SNTB1: variants seen among roughly 807,000 people sequenced by gnomAD.
SNTB1 encodes the protein beta-1-syntrophin.
A neutral mutation model predicts 48.9 loss-of-function variants in SNTB1; 36 were observed. The ratio of observed to expected loss-of-function variants is 0.74; its 90% CI spans 0.56 to 0.97. The LOEUF (loss-of-function observed/expected upper bound fraction) is 0.97, where lower values mean the gene tolerates loss of function less well. Among genes scored for constraint, SNTB1 ranks in the 50% least tolerant of loss-of-function variants. The pLI is 0.00. For synonymous variants in SNTB1, 299 were observed against 294.6 expected (o/e 1.01, Z -0.15); for missense variants, 786 against 703.4 (o/e 1.12, Z -1.33).
At chr8:120,666,231 A>G (rs570198549) in intron 2 of SNTB1, among the ~76,000 whole-genome samples, 183 of 152,338 alleles carry the variant, frequency 1.2e-3, no homozygotes, top group African/African-American at 4.2e-3. Context: ...CTCTGCCTGA[A>G]GTCTTCCTGT....
At chr8:120,636,386 TC>T (rs1438085335) in intron 2 of SNTB1, among the ~76,000 whole-genome samples, 2 of 94,442 alleles carry the variant, frequency 2.1e-5, no homozygotes, top group Non-Finnish European at 4.1e-5. Flanking sequence ...ATGCTATCCC[TC>T]CCCCCTCCCC....
intron 3 of SNTB1, among the ~76,000 whole-genome samples, chr8:120,585,601 G>T (rs1816126511): frequency 6.6e-6 from 1 of 152,178 alleles, no homozygotes; most frequent in Non-Finnish European, 1.5e-5. Flanking sequence ...GGGCAAAATT[G>T]GTCCCTTATG....
chr8:120,804,417 T>C (rs558074845), intron 1 of SNTB1, among the ~76,000 whole-genome samples: 23 of 152,138 alleles, frequency 1.5e-4, no homozygotes, highest in Non-Finnish European at 2.6e-4. Flanking sequence ...CCTCCTCAAT[T>C]ACTTGAAGCT....
At chr8:120,667,640 G>GAAC (rs1481923389) in intron 2 of SNTB1, among the ~76,000 whole-genome samples, 1 of 152,176 alleles carries the variant, frequency 6.6e-6, no homozygotes, top group East Asian at 1.9e-4. Flanking sequence ...TTACAGGAGT[G>GAAC]AACAACTGCG....
intron 3 of SNTB1, among the ~76,000 whole-genome samples, chr8:120,614,505 T>C (rs1319802705): frequency 6.6e-6 from 1 of 152,242 alleles, no homozygotes; most frequent in Non-Finnish European, 1.5e-5. Flanking sequence ...CATGCCCTTC[T>C]ATGCCTTAGC....
intron 5 of SNTB1, among the ~76,000 whole-genome samples, chr8:120,544,790 C>CTTTGTTTTT (rs773914231): frequency 8.8e-6 from 1 of 114,170 alleles, no homozygotes; most frequent in African/African-American, 3.4e-5. Context: ...AAATTCAAAA[C>CTTTGTTTTT]TTTTTTTTTT....
At chr8:120,630,622 A>G (rs1326273718) in intron 3 of SNTB1, among the ~76,000 whole-genome samples, 3 of 152,134 alleles carry the variant, frequency 2.0e-5, no homozygotes, top group Admixed American at 6.5e-5. Context: ...TTTCATCCCA[A>G]TCAGCTCCTT....
intron 3 of SNTB1, among the ~76,000 whole-genome samples, chr8:120,596,126 C>G (rs1325214872): frequency 6.6e-6 from 1 of 152,140 alleles, no homozygotes; most frequent in Non-Finnish European, 1.5e-5. Flanking sequence ...GGGGATAAAG[C>G]AGAGGGATGT....
intron 1 of SNTB1, among the ~76,000 whole-genome samples, chr8:120,753,087 G>A (rs999849240): frequency 1.7e-4 from 26 of 151,926 alleles, no homozygotes; most frequent in Non-Finnish European, 5.9e-5. Flanking sequence ...TGATGGCACA[G>A]GGTGTTTCAG....
intron 1 of SNTB1, among the ~76,000 whole-genome samples, chr8:120,738,589 T>TTCC (rs1554583312): frequency 2.1e-5 from 2 of 96,102 alleles, no homozygotes; most frequent in African/African-American, 6.6e-5. Flanking sequence ...TCCTTCCTTC[T>TTCC]TAGTGTAACA....
At chr8:120,708,622 T>G (rs1191242059) in intron 1 of SNTB1, among the ~76,000 whole-genome samples, 1 of 152,082 alleles carries the variant, frequency 6.6e-6, no homozygotes. Flanking sequence ...CATGACCAAG[T>G]TTGGACTGGT....
chr8:120,706,592 C>T (rs1198626965), intron 1 of SNTB1, among the ~76,000 whole-genome samples: 1 of 152,174 alleles, frequency 6.6e-6, no homozygotes, highest in Non-Finnish European at 1.5e-5. Context: ...AACAGCTATA[C>T]TCTAACATCT....
chr8:120,614,378 G>C (rs1198415279), intron 3 of SNTB1, among the ~76,000 whole-genome samples: 2 of 152,220 alleles, frequency 1.3e-5, no homozygotes, highest in Non-Finnish European at 2.9e-5. Flanking sequence ...AGGCACTTCA[G>C]GTGCAGGAAC....
chr8:120,547,471 C>A (rs1435417365), intron 5 of SNTB1, among the ~76,000 whole-genome samples: 3 of 151,752 alleles, frequency 2.0e-5, no homozygotes, highest in Non-Finnish European at 2.9e-5. Flanking sequence ...GTGGCATGTG[C>A]CTGTAATTCC....
chr8:120,629,697 G>C (rs113490442), intron 3 of SNTB1, among the ~76,000 whole-genome samples: 4 of 152,142 alleles, frequency 2.6e-5, no homozygotes, highest in African/African-American at 9.7e-5. Flanking sequence ...CCTTAAACTT[G>C]ATCTATGGTA....
At chr8:120,780,475 T>C (rs900385637) in intron 1 of SNTB1, among the ~76,000 whole-genome samples, 5 of 152,330 alleles carry the variant, frequency 3.3e-5, no homozygotes, top group Admixed American at 1.3e-4. Context: ...ATGGTCAACA[T>C]GTAAACTTTT....
Position 120,599,661 on chromosome 8 carries a change from T to C in SNTB1, c.997-24436A>G, listed in dbSNP as rs1297212518. Among the ~76,000 whole-genome samples the C allele has an allele frequency of 2.6e-5, 4 of 152,364 alleles. No homozygotes were observed. In the East Asian group the frequency reaches 5.8e-4, roughly 22 times the overall value. Reference sequence around the variant, plus strand: ...GATTAGCCAATTGAACCCTGAAATCTATAATTTGAAGAATAATTAAGAGTT... The same window carrying C: ...GATTAGCCAATTGAACCCTGAAATCCATAATTTGAAGAATAATTAAGAGTT... On this transcript the variant is annotated intron_variant, in intron 3 of 6. Transcript: ENST00000517992.
chr8:120,650,037 G>A (rs1363979443), intron 2 of SNTB1, among the ~76,000 whole-genome samples: 2 of 151,404 alleles, frequency 1.3e-5, no homozygotes, highest in Non-Finnish European at 2.9e-5. Context: ...CGCGCACGGT[G>A]CACGCACCCA....
intron 1 of SNTB1, among the ~76,000 whole-genome samples, chr8:120,705,400 A>G (rs1818365040): frequency 6.6e-6 from 1 of 152,234 alleles, no homozygotes; most frequent in African/African-American, 2.4e-5. Flanking sequence ...TCAACCTAGA[A>G]AAACAATGTA....
Sources: gnomAD v4.1 joint callset for allele counts (sites outside exome capture counted in the v4.1 genomes callset) on GRCh38, gnomAD v4.1.1 for gene constraint, MANE v1.5 for transcripts, NCBI Gene and HGNC (gene_info 2026-07-23, HGNC 2026-07-21) for gene names.